Variants in SNX31 observed in about 807,000 individuals in gnomAD.
SNX31 encodes the protein sorting nexin-31.
A neutral mutation model predicts 65.4 loss-of-function variants in SNX31; 58 were observed. The ratio of observed to expected loss-of-function variants is 0.89; its 90% CI spans 0.72 to 1.10. The LOEUF is 1.10. SNX31 is among the 50% of genes least tolerant of loss of function. The pLI is 0.00. For missense variants in SNX31, 523 were observed against 529.7 expected (o/e 0.99, Z 0.12); for synonymous variants, 181 against 190.1 (o/e 0.95, Z 0.39).
In SNX31 at chr8:100,604,109, A is replaced by T. The variant is rs577789486; in HGVS notation, c.682-3668T>A. ...AAGTCATCAACTCAAATGTGATATT[A>T]TACAGTGCCTCACTCTGAGTAGGTC... is the stretch of plus-strand genomic sequence containing the variant. On this transcript the variant is annotated intron_variant, in intron 8 of 13. Transcript: ENST00000311812. The surrounding 1 kb of genome is among the most constrained non-coding windows in gnomAD (Gnocchi z 4.3). Among the ~76,000 whole-genome samples, 29 of 152,294 alleles carry T rather than the reference A, an allele frequency of 1.9e-4. No homozygotes were observed. The South Asian group carries it at 6.0e-3, about 32-fold the overall frequency.
chr8:100,644,015 G>A (rs1819455208), intron 2 of SNX31, among the ~76,000 whole-genome samples: 1 of 152,162 alleles, frequency 6.6e-6, no homozygotes, highest in Non-Finnish European at 1.5e-5. Flanking sequence ...TCCCTTGACA[G>A]GTAGACTAAA....
In SNX31 at chr8:100,575,258, G is replaced by A. The variant is rs1057072816; in HGVS notation, c.1228-1298C>T. On this transcript the variant is annotated intron_variant, in intron 13 of 13. Transcript: ENST00000311812. This position sits in a 1 kb window ranked among gnomAD's most constrained non-coding sequence, Gnocchi z 5.1. ...TAACTGACTGTGTGACCTTGAGCAA[G>A]TGACTTAACCTTTCTGTGTTTCAGT... 2.6e-5 allele frequency among the ~76,000 whole-genome samples: 4 copies of A among 152,228 alleles called. No individual in the cohort carries two copies. The highest frequency in any genetic ancestry group is 5.9e-5 in the Non-Finnish European group (4 of 68,042).
At chr8:100,591,054 CAA>C (rs1000485793) in intron 10 of SNX31, among the ~76,000 whole-genome samples, 1 of 152,102 alleles carries the variant, frequency 6.6e-6, no homozygotes, top group Non-Finnish European at 1.5e-5. Context: ...TGCAGAATAT[CAA>C]AGACTAGGGC....
rs1378847998 is a variant in SNX31 at position 100,626,722 on chromosome 8, C to G, written c.321+3605G>C. 2.0e-5 allele frequency among the ~76,000 whole-genome samples: 3 copies of G among 152,106 alleles called. No homozygotes were observed. Among genetic ancestry groups the G allele is most frequent in the African/African-American group, 7.2e-5 (3 of 41,406 alleles). On this transcript the variant is annotated intron_variant, in intron 4 of 13. Transcript: ENST00000311812. This position sits in a 1 kb window ranked among gnomAD's most constrained non-coding sequence, Gnocchi z 4.4. ...ATCCTGCAAGAAAGGAGGAAAGAAA[C>G]ATGACCAATGAAAGGCAAATAACAT... is the stretch of plus-strand genomic sequence containing the variant.
upstream of SNX31, among the ~76,000 whole-genome samples, chr8:100,652,169 G>A (rs1265848099): frequency 1.3e-5 from 2 of 152,004 alleles, no homozygotes; most frequent in Non-Finnish European, 2.9e-5. Context: ...TAGTAGAGAC[G>A]GGGTTTCACC....
In SNX31 at chr8:100,612,860, A is replaced by T; in HGVS notation, c.523+135T>A. The T allele has an allele frequency of 1.3e-6, 1 of 767,368 alleles. No homozygotes were observed. Among genetic ancestry groups the T allele is most frequent in the Non-Finnish European group, 2.3e-6 (1 of 440,380 alleles). 47.5% of individuals were successfully genotyped at this position (767,368 alleles called of 1,614,324 possible). A position where few individuals can be genotyped will look rare whatever the true frequency, so the allele number is the denominator to read the frequency against. ...GCAACCTCCTATTCCCTAAACCCTT[A>T]ACCCAGTGACTGAGAACAGTGGTAG... is the stretch of plus-strand genomic sequence containing the variant. On this transcript the variant is annotated intron_variant, in intron 6 of 13. Coordinates refer to ENST00000311812, the MANE Select transcript of SNX31 (RefSeq NM_152628.4). The surrounding 1 kb of genome is among the most constrained non-coding windows in gnomAD (Gnocchi z 4.3).
At chr8:100,646,286 G>C (rs1321055481) in intron 2 of SNX31, among the ~76,000 whole-genome samples, 1 of 152,122 alleles carries the variant, frequency 6.6e-6, no homozygotes, top group Non-Finnish European at 1.5e-5. Context: ...TCAAAAACAG[G>C]TTATGGTGGC....
intron 12 of SNX31, among the ~76,000 whole-genome samples, chr8:100,581,339 A>ATC (rs1270525505): frequency 1.9e-4 from 23 of 123,974 alleles, no homozygotes; most frequent in East Asian, 1.0e-3. Context: ...CTATCTATCT[A>ATC]TATATATATA....
At chr8:100,602,263 G>A (rs1431447468) in intron 8 of SNX31, among the ~76,000 whole-genome samples, 2 of 152,204 alleles carry the variant, frequency 1.3e-5, no homozygotes, top group Admixed American at 6.5e-5. Context: ...ATCTCCCAGA[G>A]AAGAATGAAA....
intron 8 of SNX31, among the ~76,000 whole-genome samples, chr8:100,603,977 C>G (rs59364449): frequency 6.9e-4 from 104 of 151,786 alleles, no homozygotes; most frequent in African/African-American, 2.4e-3. Flanking sequence ...ATCTCAGGTA[C>G]TCTGCCCACC....
chr8:100,619,873 A>C (rs1817555632), intron 4 of SNX31: 1 of 152,256 alleles, frequency 6.6e-6, no homozygotes, highest in Middle Eastern at 3.1e-3. Context: ...GAGTCACATC[A>C]TCTTCTGTGT....
intron 3 of SNX31, among the ~76,000 whole-genome samples, chr8:100,635,242 ATTTT>A (rs894618716): frequency 1.3e-5 from 2 of 151,480 alleles, no homozygotes; most frequent in African/African-American, 4.9e-5. Context: ...TTATTTATTT[ATTTT>A]TATCTTTTTT....
rs1818341494 is a variant in SNX31 at position 100,630,488 on chromosome 8, G to A, written c.257-97C>T. The A allele has an allele frequency of 1.0e-6, 1 of 963,500 alleles. No homozygotes were observed. The highest frequency in any genetic ancestry group is 1.6e-6 in the Non-Finnish European group (1 of 643,666). 59.7% of individuals were successfully genotyped at this position (963,500 alleles called of 1,614,324 possible). A position where few individuals can be genotyped will look rare whatever the true frequency, so the allele number is the denominator to read the frequency against. On this transcript the variant is annotated intron_variant, in intron 3 of 13. Coordinates refer to ENST00000311812, the MANE Select transcript of SNX31 (RefSeq NM_152628.4). This position sits in a 1 kb window ranked among gnomAD's most constrained non-coding sequence, Gnocchi z 5.3. Reference sequence around the variant, plus strand: ...CCAGAGATCCCTCCATGCCTTGCCAGTGCTCTGTCTCCTCCCTGAAGTGAT... The same window carrying A: ...CCAGAGATCCCTCCATGCCTTGCCAATGCTCTGTCTCCTCCCTGAAGTGAT...
chr8:100,644,259 T>G (rs146309016), intron 2 of SNX31, among the ~76,000 whole-genome samples: 67 of 152,266 alleles, frequency 4.4e-4, no homozygotes, highest in Middle Eastern at 6.8e-3. Flanking sequence ...TTGTCCCCAT[T>G]GCCATGTCTG....
At chr8:100,650,131 C>G (rs1336410924), upstream of SNX31, among the ~76,000 whole-genome samples, 3 of 152,220 alleles carry the variant, frequency 2.0e-5, no homozygotes, top group Admixed American at 6.5e-5. Flanking sequence ...TAGACAGGTG[C>G]ATTCACATAA....
intron 8 of SNX31, 70 bp from the exon 9 acceptor site, chr8:100,600,511 T>C: frequency 7.8e-7 from 1 of 1,283,650 alleles, no homozygotes; most frequent in Non-Finnish European, 1.1e-6. Context: ...AAACATACTC[T>C]TGTATGAAGG....
intron 3 of SNX31, among the ~76,000 whole-genome samples, chr8:100,631,203 TA>T (rs1207232765): frequency 6.6e-6 from 1 of 152,126 alleles, no homozygotes. Context: ...AAAATATTTT[TA>T]CCCTTAGTTT....
chr8:100,618,345 T>C (rs1244399702), intron 4 of SNX31: 2 of 1,534,886 alleles, frequency 1.3e-6, no homozygotes, highest in Non-Finnish European at 1.7e-6. Flanking sequence ...TTTTCAGTAT[T>C]TCCAAGCATC....
At chr8:100,585,543 C>T (rs148993521) in intron 11 of SNX31, among the ~76,000 whole-genome samples, 1 of 151,898 alleles carries the variant, frequency 6.6e-6, no homozygotes, top group Non-Finnish European at 1.5e-5. Context: ...TAGAGCATTA[C>T]AGGAATTAAT....
Sources: allele counts gnomAD v4.1 joint callset (sites outside exome capture counted in the v4.1 genomes callset), GRCh38; gene constraint gnomAD v4.1.1; non-coding constraint Gnocchi (gnomAD v3.1); transcripts MANE v1.5; gene names NCBI Gene and HGNC (gene_info 2026-07-23, HGNC 2026-07-21).